Variants in C4orf50 observed in about 807,000 individuals in gnomAD.
C4orf50 encodes the protein uncharacterized protein C4orf50.
A neutral mutation model predicts 77.2 loss-of-function variants in C4orf50; 80 were observed. The ratio of observed to expected loss-of-function variants is 1.04; its 90% CI spans 0.87 to 1.25. The LOEUF (loss-of-function observed/expected upper bound fraction) is 1.25, where lower values mean the gene tolerates loss of function less well. C4orf50 is among the 50% of genes most tolerant of loss of function. The pLI, the probability that C4orf50 is intolerant of heterozygous loss-of-function variation, is 0.00. For missense variants in C4orf50, 1,257 were observed against 1,152.9 expected, an observed-to-expected ratio of 1.09 and a Z score of -1.31; for synonymous variants, 532 against 465.3, an observed-to-expected ratio of 1.14 and a Z score of -1.84.
rs1005259280 is a variant in C4orf50, at chr4:5,992,332, C to T, written c.1221+471G>A. Among the ~76,000 whole-genome samples, 2 of 152,138 alleles carry T rather than the reference C, an allele frequency of 1.3e-5. No individual in the cohort carries two copies. The highest frequency in any genetic ancestry group is 6.5e-5 in the Admixed American group (1 of 15,282). On this transcript the variant is annotated intron_variant, in intron 27 of 33. Transcript: ENST00000531445. This position sits in a 1 kb window ranked among gnomAD's most constrained non-coding sequence, Gnocchi z 5.0. ...AGAAAATGGAAGTGGAGAAAGGTTA[C>T]GACTGCCTCAGCCTCAGAGCGAGCC...
chr4:5,975,659 C>T (rs1397537442), intron 30 of C4orf50, among the ~76,000 whole-genome samples: 1 of 152,014 alleles, frequency 6.6e-6, no homozygotes, highest in Non-Finnish European at 1.5e-5. Flanking sequence ...ACTATAGACG[C>T]ATGCCATCAC....
chr4:6,004,750 T>C (rs1722175223), intron 25 of C4orf50, among the ~76,000 whole-genome samples: 1 of 150,962 alleles, frequency 6.6e-6, no homozygotes. Context: ...ATGGTGATGA[T>C]GGTGATGGTG....
At chr4:5,997,806 A>T (rs754613859) in intron 25 of C4orf50, among the ~76,000 whole-genome samples, 11 of 152,152 alleles carry the variant, frequency 7.2e-5, no homozygotes, top group Non-Finnish European at 1.6e-4. Context: ...TTACTTTGTG[A>T]ATTTTGCATT....
intron 26 of C4orf50, among the ~76,000 whole-genome samples, chr4:5,993,899 G>C (rs1721433613): frequency 1.3e-5 from 2 of 150,932 alleles, no homozygotes; most frequent in Non-Finnish European, 1.5e-5. Flanking sequence ...TCACATCAGG[G>C]ACAAGAGGCT....
At chr4:5,910,624 T>C (rs1003957609) in intron 7 of C4orf50, among the ~76,000 whole-genome samples, 1 of 152,202 alleles carries the variant, frequency 6.6e-6, no homozygotes, top group Non-Finnish European at 1.5e-5. Flanking sequence ...CACTCGATCA[T>C]GGCTGAGCTT....
chr4:5,988,318 G>A, intron 28 of C4orf50, 29 bp downstream of exon 6: 2 of 1,604,984 alleles, frequency 1.2e-6, no homozygotes, highest in Middle Eastern at 1.7e-4. Flanking sequence ...CATGCGTGAT[G>A]AGTAAGCAGA....
Position 5,932,771 on chromosome 4 carries a change from T to C in C4orf50, c.*2474+24130A>G, listed in dbSNP as rs1717823789. Among the ~76,000 whole-genome samples the C allele has an allele frequency of 6.6e-6, 1 of 152,108 alleles. No homozygotes were observed. Among genetic ancestry groups the C allele is most frequent in the South Asian group, 2.1e-4 (1 of 4,824 alleles). On this transcript the variant is annotated intron_variant, in intron 7 of 7. Transcript: ENST00000324058. This position sits in a 1 kb window ranked among gnomAD's most constrained non-coding sequence, Gnocchi z 4.2. ...GTATTAAAAAAGCAAGAGAGCTGGA[T>C]TTCAATCCCAGATCAGCAGAAATAG... is the stretch of plus-strand genomic sequence containing the variant.
chr4:5,931,163 G>A (rs779274559), intron 7 of C4orf50, among the ~76,000 whole-genome samples: 2 of 152,180 alleles, frequency 1.3e-5, no homozygotes, highest in Non-Finnish European at 2.9e-5. Context: ...GGGCTGAGCT[G>A]AAAACAGCCC....
intron 7 of C4orf50, among the ~76,000 whole-genome samples, chr4:5,950,172 G>T (rs1718656733): frequency 6.6e-6 from 1 of 152,140 alleles, no homozygotes; most frequent in Non-Finnish European, 1.5e-5. Context: ...ACAGTGCGAA[G>T]ACCTTATTAA....
intron 33 of C4orf50, among the ~76,000 whole-genome samples, chr4:5,962,405 G>A (rs1438964090): frequency 6.6e-6 from 1 of 152,212 alleles, no homozygotes; most frequent in Non-Finnish European, 1.5e-5. Flanking sequence ...GTATTAAGAT[G>A]CATTTTTGGT....
downstream of C4orf50, among the ~76,000 whole-genome samples, chr4:5,953,597 G>C (rs572689722): frequency 6.6e-6 from 1 of 152,160 alleles, no homozygotes; most frequent in Non-Finnish European, 1.5e-5. Flanking sequence ...ATCATCCCAC[G>C]GCAGGACTGT....
chr4:5,994,518 G>A (rs565583230), intron 25 of C4orf50, 42 bp from the exon 4 acceptor site: 247 of 399,182 alleles, frequency 6.2e-4, no homozygotes, highest in African/African-American at 4.7e-3. Flanking sequence ...CAGTGTCCTG[G>A]CTGAAGTGTG....
chr4:5,933,269 G>A (rs1026854345), intron 7 of C4orf50, among the ~76,000 whole-genome samples: 4 of 152,206 alleles, frequency 2.6e-5, no homozygotes, highest in Non-Finnish European at 4.4e-5. Context: ...GAACACAAGC[G>A]CAATGTTTGC....
At chr4:5,966,017 A>G (rs1719543153) in intron 32 of C4orf50, among the ~76,000 whole-genome samples, 1 of 152,190 alleles carries the variant, frequency 6.6e-6, no homozygotes, top group African/African-American at 2.4e-5. Flanking sequence ...CACTAAACAG[A>G]TCCTTGGGAG....
At position 5,988,856 on chromosome 4, in the gene C4orf50, CAA is replaced by C. The variant is rs1208330493; in HGVS notation, c.3188_3189del (p.Leu1063ArgfsTer5). On this transcript the variant is annotated frameshift_variant, in exon 28 of 34. Coordinates refer to ENST00000531445, the Ensembl canonical transcript of C4orf50. LOFTEE classifies it high-confidence loss of function. ...TTTATCAGCTCTTTATAACTGACGC[CAA>C]GCTCCGAGATCAGTGTCTGGAGCTT... 6.5e-7 allele frequency: 1 copy of C among 1,536,064 alleles called. No homozygotes were observed. Among genetic ancestry groups the C allele is most frequent in the Non-Finnish European group, 8.7e-7 (1 of 1,146,884 alleles).
Position 5,901,931 on chromosome 4 carries a change from A to C in C4orf50, c.*2475-3743T>G, listed in dbSNP as rs145565762. 1 of 152,288 alleles carries C rather than the reference A, an allele frequency of 6.6e-6. No individual in the cohort carries two copies. The highest frequency in any genetic ancestry group is 2.4e-5 in the African/African-American group (1 of 41,452). 9.4% of individuals were successfully genotyped at this position (152,288 alleles called of 1,614,324 possible). On this transcript the variant is annotated intron_variant, in intron 7 of 7. Transcript: ENST00000324058. The surrounding 1 kb of genome is among the most constrained non-coding windows in gnomAD (Gnocchi z 4.4). ...GCCAAGGCCCTTGGAAAGGCAGCTC[A>C]GAAGAGGCCCTTAATGAGTACTCAT...
At chr4:5,993,985 G>C (rs562804498) in intron 26 of C4orf50, among the ~76,000 whole-genome samples, 2 of 152,174 alleles carry the variant, frequency 1.3e-5, no homozygotes, top group South Asian at 2.1e-4. Flanking sequence ...CCTGGGAAGT[G>C]GGGGGACAGG....
intron 28 of C4orf50, among the ~76,000 whole-genome samples, chr4:5,984,258 ATAT>A (rs1449071382): frequency 1.3e-5 from 2 of 152,252 alleles, no homozygotes; most frequent in African/African-American, 4.8e-5. Context: ...TCTTCATAAA[ATAT>A]TATACACAAT....
rs551631397 is a variant in C4orf50, at chr4:5,914,614, T to C, written c.*2475-16426A>G. ...TCACGGTTTGAATTTTTAATACCTATATAAGTTTACCATGTCCTCTCTTAC... is the reference window on the plus strand; with the variant it reads ...TCACGGTTTGAATTTTTAATACCTACATAAGTTTACCATGTCCTCTCTTAC... On this transcript the variant is annotated intron_variant, in intron 7 of 7. Transcript: ENST00000324058. 1.3e-3 allele frequency among the ~76,000 whole-genome samples: 200 copies of C among 152,322 alleles called. 1 individual carries two copies. The highest frequency in any genetic ancestry group is 4.6e-3 in the African/African-American group (190 of 41,574).
Sources: gnomAD v4.1 joint callset for allele counts (sites outside exome capture counted in the v4.1 genomes callset) on GRCh38, gnomAD v4.1.1 for gene constraint, Gnocchi (gnomAD v3.1) non-coding constraint, MANE v1.5 for transcripts, NCBI Gene and HGNC (gene_info 2026-07-23, HGNC 2026-07-21) for gene names.